DLGAP1: variants seen among roughly 807,000 people sequenced by gnomAD.
The protein encoded by DLGAP1 is disks large-associated protein 1.
Under a neutral mutation model 90.8 loss-of-function variants are expected in DLGAP1, and 11 were observed. The ratio of observed to expected loss-of-function variants is 0.12; its 90% CI spans 0.08 to 0.20. The LOEUF (loss-of-function observed/expected upper bound fraction) is 0.20. DLGAP1 is among the 10% of genes least tolerant of loss of function. DLGAP1 has a pLI of 1.00. For missense variants in DLGAP1, 1,050 were observed against 1,333.8 expected, an observed-to-expected ratio of 0.79 and a Z score of 3.31; for synonymous variants, 558 against 540.7, an observed-to-expected ratio of 1.03 and a Z score of -0.44.
intron 1 of DLGAP1, among the ~76,000 whole-genome samples, chr18:4,266,622 CT>C (rs1388806203): frequency 2.0e-5 from 3 of 152,168 alleles, no homozygotes; most frequent in African/African-American, 7.2e-5. Context: ...CTCTTTCATA[CT>C]TCCAGCAAAT....
intron 4 of DLGAP1, among the ~76,000 whole-genome samples, chr18:3,875,976 A>C (rs2070991755): frequency 6.6e-6 from 1 of 151,506 alleles, no homozygotes; most frequent in African/African-American, 2.4e-5. Flanking sequence ...AGTTAAATCC[A>C]TTTGTAAATC....
chr18:4,409,134 T>G (rs2144594673), intron 1 of DLGAP1, among the ~76,000 whole-genome samples: 1 of 152,084 alleles, frequency 6.6e-6, no homozygotes, highest in South Asian at 2.1e-4. Flanking sequence ...TAACTTAGGG[T>G]TTTGTTTTTT....
rs1416929064 is a variant in DLGAP1 at position 3,517,958 on chromosome 18, T to G, written c.2480-9297A>C. Among the ~76,000 whole-genome samples, 3 of 152,228 alleles carry G rather than the reference T, an allele frequency of 2.0e-5. No homozygotes were observed. In the East Asian group the frequency reaches 5.8e-4, roughly 29 times the overall value. ...ACAAAAAGGCTGTTTCGCTTCCTTATCATTTGTATGTTCACTTGGGTAGCA... is the reference window on the plus strand; with the variant it reads ...ACAAAAAGGCTGTTTCGCTTCCTTAGCATTTGTATGTTCACTTGGGTAGCA... On this transcript the variant is annotated intron_variant, in intron 10 of 12. Coordinates refer to ENST00000315677, the MANE Select transcript of DLGAP1 (RefSeq NM_004746.4). This position sits in a 1 kb window ranked among gnomAD's most constrained non-coding sequence, Gnocchi z 4.1.
intron 2 of DLGAP1, among the ~76,000 whole-genome samples, chr18:4,019,101 G>C (rs1380453007): frequency 6.6e-6 from 1 of 152,178 alleles, no homozygotes; most frequent in African/African-American, 2.4e-5. Flanking sequence ...TTCTTGCGAA[G>C]GTCATTTCTG....
At chr18:3,759,927 G>C (rs759185483) in intron 5 of DLGAP1, among the ~76,000 whole-genome samples, 2 of 152,216 alleles carry the variant, frequency 1.3e-5, no homozygotes, top group African/African-American at 4.8e-5. Flanking sequence ...TGGAGGCAGA[G>C]GTACAGGCAG....
At chr18:3,842,017 T>C (rs145054573) in intron 4 of DLGAP1, among the ~76,000 whole-genome samples, 1,863 of 151,934 alleles carry the variant, frequency 0.012, 37 homozygotes, top group African/African-American at 0.043. Context: ...TCACTTAAAC[T>C]TGGCCAGTCA....
chr18:4,210,012 T>C (rs1426296565), intron 1 of DLGAP1, among the ~76,000 whole-genome samples: 1 of 152,216 alleles, frequency 6.6e-6, no homozygotes, highest in African/African-American at 2.4e-5. Context: ...ATGCCCTAAT[T>C]CAGCTTAAAT....
rs188110840 is a variant in DLGAP1, at chr18:4,242,225, G to A, written c.-266-90938C>T. Among the ~76,000 whole-genome samples, 4 of 152,084 alleles carry A rather than the reference G, an allele frequency of 2.6e-5. No homozygotes were observed. In the East Asian group the frequency reaches 7.8e-4, roughly 29 times the overall value. ...GGGAAGATTATAGCTTTCTCCCCAGGCTTTTTAGGGGACAAAGACTATTCT... is the reference window on the plus strand; with the variant it reads ...GGGAAGATTATAGCTTTCTCCCCAGACTTTTTAGGGGACAAAGACTATTCT... On this transcript the variant is annotated intron_variant, in intron 1 of 12. Transcript: ENST00000315677.
At chr18:3,898,046 G>C (rs539443807) in intron 3 of DLGAP1, among the ~76,000 whole-genome samples, 2 of 151,992 alleles carry the variant, frequency 1.3e-5, no homozygotes, top group Non-Finnish European at 1.5e-5. Context: ...CGCCCGCCTT[G>C]GCCTCCCAAA....
chr18:4,445,584 G>A (rs1047408056), intron 1 of DLGAP1, among the ~76,000 whole-genome samples: 4 of 151,534 alleles, frequency 2.6e-5, no homozygotes, highest in African/African-American at 9.7e-5. Flanking sequence ...TACTGAGAAT[G>A]ATGATTTCCA....
intron 1 of DLGAP1, among the ~76,000 whole-genome samples, chr18:4,396,054 C>A (rs777946697): frequency 6.6e-6 from 1 of 152,144 alleles, no homozygotes; most frequent in African/African-American, 2.4e-5. Context: ...CCACCGGCTG[C>A]GGGCACAGGG....
chr18:4,165,850 T>A (rs952047881), intron 1 of DLGAP1, among the ~76,000 whole-genome samples: 1 of 152,142 alleles, frequency 6.6e-6, no homozygotes, highest in African/African-American at 2.4e-5. Flanking sequence ...AAGGGACTAA[T>A]ATCCAAAATA....
intron 3 of DLGAP1, among the ~76,000 whole-genome samples, chr18:3,886,559 A>T (rs2071320551): frequency 6.6e-6 from 1 of 151,746 alleles, no homozygotes; most frequent in Admixed American, 6.6e-5. Flanking sequence ...CCCATTAATC[A>T]TCCTCACTCT....
chr18:3,729,186 A>G lies in DLGAP1; in HGVS notation c.1540T>C (p.Ser514Pro), dbSNP rs774944222. Residue 514 changes from serine to proline, a missense_variant, in exon 7 of 13, where the codon TCC (serine) becomes CCC (proline). By Grantham distance (74) the Ser-to-Pro change is moderately conservative. Coordinates refer to ENST00000315677, the MANE Select transcript of DLGAP1 (RefSeq NM_004746.4). This position sits in a 1 kb window ranked among gnomAD's most constrained non-coding sequence, Gnocchi z 6.2. ...GTGGTGGTGGTGCGCGGCGGCGAGG[A>G]CGACCTCAGGGACACGCACTCGTCG... ...QDDECVSLRS[S>P]SPPRTTTTVR... The G allele has an allele frequency of 2.7e-5, 43 of 1,613,498 alleles. No homozygotes were observed. Among genetic ancestry groups the G allele is most frequent in the Middle Eastern group, 1.6e-4 (1 of 6,080 alleles).
intron 9 of DLGAP1, among the ~76,000 whole-genome samples, chr18:3,555,900 G>T (rs1325158865): frequency 2.0e-5 from 3 of 152,134 alleles, no homozygotes; most frequent in Non-Finnish European, 4.4e-5. Context: ...TAAAGTAAAG[G>T]AGACGACTTT....
chr18:3,576,814 C>T (rs1436703130), intron 8 of DLGAP1, among the ~76,000 whole-genome samples: 1 of 151,934 alleles, frequency 6.6e-6, no homozygotes, highest in Admixed American at 6.6e-5. Flanking sequence ...GATCCGCCCA[C>T]CTTGGCCTCC....
At chr18:4,077,625 C>G (rs1453602141) in intron 2 of DLGAP1, among the ~76,000 whole-genome samples, 1 of 152,140 alleles carries the variant, frequency 6.6e-6, no homozygotes. Context: ...CTGCATATTA[C>G]TGGCTTCTCT....
chr18:4,342,973 T>A lies in DLGAP1; in HGVS notation c.-267+112033A>T, dbSNP rs867811872. Among the ~76,000 whole-genome samples, 1 of 152,182 alleles carries A rather than the reference T, an allele frequency of 6.6e-6. No individual in the cohort carries two copies. Among genetic ancestry groups the A allele is most frequent in the Non-Finnish European group, 1.5e-5 (1 of 68,032 alleles). On this transcript the variant is annotated intron_variant, in intron 1 of 12. Coordinates refer to ENST00000315677, the MANE Select transcript of DLGAP1 (RefSeq NM_004746.4). The surrounding 1 kb of genome is among the most constrained non-coding windows in gnomAD (Gnocchi z 5.8). The stretch of plus-strand genomic sequence containing the variant: ...ACGGATTATTTCAGATTCAGGATTG[T>A]ACTGGGATAAATATAATCTAAATCA...
intron 2 of DLGAP1, among the ~76,000 whole-genome samples, chr18:4,136,112 C>A (rs145594972): frequency 6.6e-6 from 1 of 151,640 alleles, no homozygotes; most frequent in African/African-American, 2.4e-5. Context: ...TGAGAACATG[C>A]GACATACCAC....
Sources: allele counts gnomAD v4.1 joint callset (sites outside exome capture counted in the v4.1 genomes callset), GRCh38; gene constraint gnomAD v4.1.1; non-coding constraint Gnocchi (gnomAD v3.1); transcripts MANE v1.5; gene names NCBI Gene and HGNC (gene_info 2026-07-23, HGNC 2026-07-21).